Variants in AREL1 observed in about 807,000 individuals in gnomAD.
AREL1 encodes apoptosis-resistant E3 ubiquitin protein ligase 1.
In AREL1, 62 loss-of-function variants were observed where a neutral mutation model predicts 99.0. The observed-to-expected ratio is 0.63, with a 90% CI of 0.51 to 0.77. The LOEUF is 0.77. Ranked by LOEUF, AREL1 falls within the 30% of genes least tolerant of loss-of-function variation. The pLI is 0.00. For missense variants in AREL1, 879 were observed against 1,027.6 expected, an observed-to-expected ratio of 0.86 and a Z score of 1.98; for synonymous variants, 380 against 376.5, an observed-to-expected ratio of 1.01 and a Z score of -0.11.
At chr14:74,697,373 T>TA (rs1178219847) in intron 1 of AREL1, among the ~76,000 whole-genome samples, 1 of 152,008 alleles carries the variant, frequency 6.6e-6, no homozygotes, top group Non-Finnish European at 1.5e-5. Context: ...GACATGAACT[T>TA]AAAAAAACAA....
chr14:74,675,270 T>A (rs1034026630), intron 8 of AREL1, among the ~76,000 whole-genome samples: 2 of 152,216 alleles, frequency 1.3e-5, no homozygotes, highest in African/African-American at 4.8e-5. Flanking sequence ...GTTTTGGTTA[T>A]GAGATTAAAG....
At chr14:74,665,548 T>C (rs1277934909) in intron 17 of AREL1, among the ~76,000 whole-genome samples, 1 of 152,152 alleles carries the variant, frequency 6.6e-6, no homozygotes, top group African/African-American at 2.4e-5. Context: ...TTCCCCAAAA[T>C]CCCCAGGCCC....
At chr14:74,697,465 T>C (rs1171326509) in intron 1 of AREL1, among the ~76,000 whole-genome samples, 1 of 152,186 alleles carries the variant, frequency 6.6e-6, no homozygotes, top group East Asian at 1.9e-4. Flanking sequence ...CTTTGGATTA[T>C]CAGTTTACAT....
chr14:74,692,676 G>A (rs1457047902), intron 1 of AREL1, among the ~76,000 whole-genome samples: 1 of 152,080 alleles, frequency 6.6e-6, no homozygotes, highest in African/African-American at 2.4e-5. Flanking sequence ...TAAGAGCATT[G>A]AGCTTCAGAA....
At chr14:74,670,936 G>A (rs2089323243) in intron 12 of AREL1, 65 bp from the exon 13 acceptor site, 3 of 1,320,120 alleles carry the variant, frequency 2.3e-6, no homozygotes, top group African/African-American at 1.5e-5. Context: ...TTTGTTTATT[G>A]AGTCATCATT....
At chr14:74,701,982 A>C (rs2359143) in intron 1 of AREL1, among the ~76,000 whole-genome samples, 1 of 152,042 alleles carries the variant, frequency 6.6e-6, no homozygotes, top group African/African-American at 2.4e-5. Context: ...TCACGCTGAC[A>C]CAAGAGGTGG....
chr14:74,696,462 T>C lies in AREL1; in HGVS notation c.-333-4134A>G, dbSNP rs80323667. On this transcript the variant is annotated intron_variant, in intron 1 of 19. Coordinates refer to ENST00000356357, the MANE Select transcript of AREL1 (RefSeq NM_001039479.2). The stretch of plus-strand genomic sequence containing the variant: ...AGGCTAATATTTCCTAAAACTAGTA[T>C]CTCGGGGACCAAATACTGTATCCGG... 6.6e-3 allele frequency among the ~76,000 whole-genome samples: 1,013 copies of C among 152,356 alleles called. 6 individuals are homozygous for C. Among genetic ancestry groups the C allele is most frequent in the African/African-American group, 0.021 (877 of 41,586 alleles).
chr14:74,685,474 A>T, intron 3 of AREL1, 126 bp downstream of exon 3: 1 of 1,096,880 alleles, frequency 9.1e-7, no homozygotes, highest in Non-Finnish European at 1.3e-6. Flanking sequence ...CTGTGAAGGT[A>T]CATTCTGGCA....
At chr14:74,701,218 C>G (rs1049774747) in intron 1 of AREL1, among the ~76,000 whole-genome samples, 3 of 151,848 alleles carry the variant, frequency 2.0e-5, no homozygotes, top group Non-Finnish European at 4.4e-5. Flanking sequence ...TGGTTGGGAG[C>G]CTGGATAAAT....
chr14:74,669,812 C>T (rs1288558666), intron 14 of AREL1, 38 bp from the exon 15 acceptor site: 1 of 1,610,934 alleles, frequency 6.2e-7, no homozygotes, highest in African/African-American at 1.3e-5. Flanking sequence ...AACATGAATA[C>T]TCTTGCCCTG....
At chr14:74,667,273 C>T (rs2089228957) in intron 17 of AREL1, 46 bp downstream of exon 17, 2 of 1,612,426 alleles carry the variant, frequency 1.2e-6, no homozygotes, top group Non-Finnish European at 1.7e-6. Flanking sequence ...CTGTAAGCTA[C>T]AAAAATGCCA....
At chr14:74,691,807 C>G (rs892614493) in intron 2 of AREL1, among the ~76,000 whole-genome samples, 1 of 152,198 alleles carries the variant, frequency 6.6e-6, no homozygotes, top group Non-Finnish European at 1.5e-5. Context: ...TTTTTAATTA[C>G]AGTAGCAACT....
chr14:74,703,506 C>G (rs1311273293), intron 1 of AREL1, among the ~76,000 whole-genome samples: 1 of 152,152 alleles, frequency 6.6e-6, no homozygotes, highest in Admixed American at 6.5e-5. Context: ...GAGAATTAAA[C>G]ATGTTAAGTT....
At chr14:74,700,945 GA>G (rs2090074900) in intron 1 of AREL1, among the ~76,000 whole-genome samples, 1 of 152,148 alleles carries the variant, frequency 6.6e-6, no homozygotes, top group South Asian at 2.1e-4. Context: ...TCTGAAGGGG[GA>G]CAGACCCATT....
chr14:74,697,155 T>TACAC lies in AREL1; in HGVS notation c.-333-4831_-333-4828dup, dbSNP rs112999456. Among the ~76,000 whole-genome samples the TACAC allele has an allele frequency of 5.7e-3, 838 of 147,448 alleles. 5 individuals carry two copies. The highest frequency in any genetic ancestry group is 0.026 in the East Asian group (130 of 5,038). On this transcript the variant is annotated intron_variant, in intron 1 of 19. Coordinates refer to ENST00000356357, the MANE Select transcript of AREL1 (RefSeq NM_001039479.2). ...ACAGAGAGAGAGATCCTGTCACACA[T>TACAC]ACACACACACACACACACACAGCCA...
intron 1 of AREL1, among the ~76,000 whole-genome samples, chr14:74,694,684 T>C (rs913201274): frequency 6.6e-6 from 1 of 152,104 alleles, no homozygotes; most frequent in African/African-American, 2.4e-5. Context: ...TATCCTTTTT[T>C]CAAATAAGAA....
chr14:74,687,692 T>C (rs1232471514), intron 2 of AREL1, among the ~76,000 whole-genome samples: 10 of 152,194 alleles, frequency 6.6e-5, no homozygotes, highest in Admixed American at 6.6e-4. Context: ...GAGGATTAAA[T>C]GAGTTAACAC....
In AREL1 at chr14:74,676,495, A is replaced by G. The variant is rs2089479336; in HGVS notation, c.651+88T>C. Reference sequence around the variant, plus strand: ...CAGCACAGAAGTCAAGGAGAAGGAAAGAGAGATCGAAGTGAATTAGGTGTG... The same window carrying G: ...CAGCACAGAAGTCAAGGAGAAGGAAGGAGAGATCGAAGTGAATTAGGTGTG... On this transcript the variant is annotated intron_variant, in intron 6 of 19. Transcript: ENST00000356357. 2.7e-6 allele frequency: 4 copies of G among 1,478,018 alleles called. No individual in the cohort carries two copies. In the Admixed American group the frequency reaches 8.1e-5, roughly 30 times the overall value. The allele number at this position is 1,478,018 out of a possible 1,614,324, so 91.6% of individuals were successfully genotyped here.
intron 3 of AREL1, 129 bp from the exon 4 acceptor site, chr14:74,684,809 A>G: frequency 1.3e-6 from 1 of 766,456 alleles, no homozygotes; most frequent in South Asian, 1.7e-5. Flanking sequence ...CCAAAGAAAC[A>G]CTGCACTGGG....
Sources: gnomAD v4.1 joint callset for allele counts (sites outside exome capture counted in the v4.1 genomes callset) on GRCh38, gnomAD v4.1.1 for gene constraint, MANE v1.5 for transcripts, NCBI Gene and HGNC (gene_info 2026-07-23, HGNC 2026-07-21) for gene names.